Variants in TBC1D5 observed in about 807,000 individuals in gnomAD.
The protein encoded by TBC1D5 is TBC1 domain family, member 5.
Under a neutral mutation model 100.3 loss-of-function variants are expected in TBC1D5, and 75 were observed. The observed-to-expected ratio is 0.75, with a 90% CI of 0.62 to 0.91. The LOEUF (loss-of-function observed/expected upper bound fraction) is 0.91. TBC1D5 is among the 40% of genes least tolerant of loss of function. The pLI is 0.00. For missense variants in TBC1D5, 910 were observed against 942.4 expected (o/e 0.97, Z 0.45); for synonymous variants, 323 against 325.6 (o/e 0.99, Z 0.09).
At chr3:17,222,040 T>C (rs2148671088) in intron 17 of TBC1D5, among the ~76,000 whole-genome samples, 1 of 152,312 alleles carries the variant, frequency 6.6e-6, no homozygotes, top group East Asian at 1.9e-4. Context: ...TTACTGAATG[T>C]TGGATTACTT....
chr3:17,465,350 G>T, intron 3 of TBC1D5: 1 of 186,894 alleles, frequency 5.4e-6, no homozygotes, highest in South Asian at 1.2e-4. Flanking sequence ...AAAGCTGTCT[G>T]GGCCAAAGGA....
At chr3:17,432,344 T>C (rs938835284) in intron 3 of TBC1D5, among the ~76,000 whole-genome samples, 1 of 152,196 alleles carries the variant, frequency 6.6e-6, no homozygotes. Flanking sequence ...TTAAAATCCT[T>C]TAAAAAAATG....
intron 1 of TBC1D5, among the ~76,000 whole-genome samples, chr3:17,643,548 T>C (rs1373951285): frequency 1.3e-5 from 2 of 152,158 alleles, no homozygotes; most frequent in South Asian, 4.1e-4. Flanking sequence ...TTTTCTATTT[T>C]CCTCATTCTT....
chr3:17,283,481 A>C (rs955022017), intron 15 of TBC1D5, among the ~76,000 whole-genome samples: 4 of 152,190 alleles, frequency 2.6e-5, no homozygotes, highest in Admixed American at 2.6e-4. Flanking sequence ...GGTATACAGA[A>C]GGCAGCTAAG....
chr3:17,621,116 G>C (rs1456895750), intron 2 of TBC1D5, among the ~76,000 whole-genome samples: 1 of 152,124 alleles, frequency 6.6e-6, no homozygotes, highest in African/African-American at 2.4e-5. Flanking sequence ...ATATAAATAT[G>C]AGAAGCAAGC....
intron 2 of TBC1D5, among the ~76,000 whole-genome samples, chr3:17,535,469 G>A (rs2096272833): frequency 6.6e-6 from 1 of 152,058 alleles, no homozygotes; most frequent in African/African-American, 2.4e-5. Flanking sequence ...CTTGTGCCTT[G>A]TACCTTATGA....
rs1303218206 is a variant in TBC1D5 at position 17,501,091 on chromosome 3, T to C, written c.97+7383A>G. Among the ~76,000 whole-genome samples, 3 of 149,718 alleles carry C rather than the reference T, an allele frequency of 2.0e-5. 1 individual carries two copies. The highest frequency in any genetic ancestry group is 7.6e-5 in the African/African-American group (3 of 39,490). ...CAGAAACTTCCAGGTCACTCTCCTA[T>C]TTATTTAACAATCTGTCTTGAATAA... On this transcript the variant is annotated intron_variant, in intron 3 of 21. Coordinates refer to ENST00000253692, the Ensembl canonical transcript of TBC1D5.
intron 1 of TBC1D5, among the ~76,000 whole-genome samples, chr3:17,700,795 A>G (rs1244374193): frequency 1.3e-5 from 2 of 152,194 alleles, no homozygotes; most frequent in South Asian, 4.1e-4. Context: ...ACCTCACACC[A>G]GTGAGAATGG....
chr3:17,408,720 C>G (rs925359768), intron 4 of TBC1D5, among the ~76,000 whole-genome samples: 1 of 152,016 alleles, frequency 6.6e-6, no homozygotes, highest in African/African-American at 2.4e-5. Flanking sequence ...AGACATCATG[C>G]CTTCATCAGC....
intron 18 of TBC1D5, among the ~76,000 whole-genome samples, chr3:17,197,764 C>T (rs2070899111): frequency 6.6e-6 from 1 of 152,178 alleles, no homozygotes; most frequent in South Asian, 2.1e-4. Context: ...GGATGGGGTG[C>T]AGTAGCTCAT....
At chr3:17,626,499 A>G (rs910220320) in intron 1 of TBC1D5, among the ~76,000 whole-genome samples, 1 of 152,238 alleles carries the variant, frequency 6.6e-6, no homozygotes, top group Non-Finnish European at 1.5e-5. Flanking sequence ...AGTCAGCAAC[A>G]TAGGACTTAG....
intron 3 of TBC1D5, among the ~76,000 whole-genome samples, chr3:17,434,857 A>G (rs984708596): frequency 6.6e-6 from 1 of 152,238 alleles, no homozygotes; most frequent in Non-Finnish European, 1.5e-5. Flanking sequence ...AATTTTCCAA[A>G]CTTTTATACT....
intron 2 of TBC1D5, among the ~76,000 whole-genome samples, chr3:17,582,785 C>CAA (rs140257082): frequency 2.3e-5 from 3 of 132,622 alleles, no homozygotes; most frequent in African/African-American, 8.3e-5. Context: ...TACCAAAAAG[C>CAA]AAAAAAAAAC....
chr3:17,612,315 A>G (rs951866207), intron 2 of TBC1D5, among the ~76,000 whole-genome samples: 3 of 151,344 alleles, frequency 2.0e-5, no homozygotes, highest in South Asian at 2.1e-4. Flanking sequence ...AAAAAAAAAA[A>G]AGAATTGAAA....
At chr3:17,682,141 C>T (rs893454572) in intron 1 of TBC1D5, among the ~76,000 whole-genome samples, 3 of 151,300 alleles carry the variant, frequency 2.0e-5, no homozygotes, top group African/African-American at 4.9e-5. Flanking sequence ...ACAAGGCAAA[C>T]GAAGCACAAA....
At chr3:17,451,057 T>C (rs1274822489) in intron 3 of TBC1D5, among the ~76,000 whole-genome samples, 1 of 152,122 alleles carries the variant, frequency 6.6e-6, no homozygotes. Context: ...CAAGCCAGAA[T>C]AGAGTGGGGT....
intron 2 of TBC1D5, among the ~76,000 whole-genome samples, chr3:17,560,058 G>C (rs1464972492): frequency 1.3e-5 from 2 of 152,104 alleles, no homozygotes; most frequent in East Asian, 1.9e-4. Flanking sequence ...ATTTTAAAAA[G>C]ATACTATGTG....
intron 15 of TBC1D5, among the ~76,000 whole-genome samples, chr3:17,279,270 T>C (rs1485653873): frequency 6.6e-6 from 1 of 152,198 alleles, no homozygotes; most frequent in Non-Finnish European, 1.5e-5. Context: ...CTGACATCTC[T>C]CAGGTATTGT....
intron 1 of TBC1D5, among the ~76,000 whole-genome samples, chr3:17,642,340 G>A (rs1189627985): frequency 6.6e-6 from 1 of 151,960 alleles, no homozygotes; most frequent in Non-Finnish European, 1.5e-5. Context: ...ATATTATCAT[G>A]TTTAGTTGAT....
Sources: allele counts gnomAD v4.1 joint callset (sites outside exome capture counted in the v4.1 genomes callset), GRCh38; gene constraint gnomAD v4.1.1; transcripts MANE v1.5; gene names NCBI Gene and HGNC (gene_info 2026-07-23, HGNC 2026-07-21).